COL27A1: variants seen among roughly 807,000 people sequenced by gnomAD.
COL27A1 encodes collagen type XXVII alpha 1 chain, also known as collagen alpha-1(XXVII) chain.
In COL27A1, 106 loss-of-function variants were observed where a neutral mutation model predicts 251.3. The ratio of observed to expected loss-of-function variants is 0.42; its 90% confidence interval spans 0.36 to 0.50. The LOEUF (loss-of-function observed/expected upper bound fraction) is 0.50. Ranked by LOEUF, COL27A1 falls within the 20% of genes least tolerant of loss-of-function variation. The pLI is 0.00. For synonymous variants in COL27A1, 1,000 were observed against 986.3 expected (o/e 1.01, Z -0.26); for missense variants, 2,325 against 2,522.8 (o/e 0.92, Z 1.68).
intron 7 of COL27A1, among the ~76,000 whole-genome samples, chr9:114,201,359 A>G (rs1462021481): frequency 6.6e-6 from 1 of 152,212 alleles, no homozygotes; most frequent in African/African-American, 2.4e-5. Flanking sequence ...AGATTCTTGC[A>G]GGTCTGGGGC....
intron 15 of COL27A1, among the ~76,000 whole-genome samples, chr9:114,231,550 G>A (rs571991118): frequency 2.0e-5 from 3 of 152,308 alleles, no homozygotes; most frequent in Admixed American, 6.5e-5. Flanking sequence ...ACCAACGTGC[G>A]TGTGACACGG....
At position 114,250,657 on chromosome 9, in the gene COL27A1, G is replaced by A. The variant is rs139143802; in HGVS notation, c.3022G>A (p.Val1008Met). 211 of 1,611,742 alleles carry A rather than the reference G, an allele frequency of 1.3e-4. No individual in the cohort carries two copies. Among genetic ancestry groups the A allele is most frequent in the Middle Eastern group, 6.6e-4 (4 of 6,064 alleles). The stretch of plus-strand genomic sequence containing the variant: ...TGGTCTGGTCGGGGAGCCAGGAATC[G>A]TGGGAGAAAAGGTAAGTGGTGTTGA... The part of the protein sequence containing the change: ...FIGLVGEPGI[V>M]GEKGDRGMMG... Residue 1008 changes from valine (V) to methionine (M), a missense_variant, in exon 25 of 61, where the codon GTG becomes ATG. Physicochemically the swap from Val to Met is conservative, Grantham distance 21. This residue lies in a region of COL27A1 where 662 missense variants were observed against 795.3 expected (regional missense o/e 0.83). Transcript: ENST00000356083.
intron 5 of COL27A1, among the ~76,000 whole-genome samples, chr9:114,184,386 G>C (rs1425173826): frequency 1.3e-5 from 2 of 152,250 alleles, no homozygotes; most frequent in Admixed American, 1.3e-4. Flanking sequence ...AGCTTGTCTG[G>C]GAGCTTTGGA....
At chr9:114,187,831 T>A (rs1489234440) in intron 5 of COL27A1, among the ~76,000 whole-genome samples, 1 of 152,246 alleles carries the variant, frequency 6.6e-6, no homozygotes, top group African/African-American at 2.4e-5. Context: ...CCACTTTAAA[T>A]TAATATACAA....
chr9:114,252,531 C>T (rs1281241967), intron 25 of COL27A1, 62 bp from the exon 26 acceptor site: 5 of 1,470,176 alleles, frequency 3.4e-6, no homozygotes, highest in Non-Finnish European at 4.8e-6. Flanking sequence ...CTGCACCTGC[C>T]TCCCACAGAG....
rs973235385 is a variant in COL27A1, at chr9:114,221,748, C to T, written c.2422-475C>T. Among the ~76,000 whole-genome samples the T allele has an allele frequency of 3.9e-5, 6 of 152,280 alleles. No individual in the cohort carries two copies. The East Asian group carries it at 1.2e-3, about 29-fold the overall frequency. ...GGTGTGGGGTGCTGGGGAGGATTCT[C>T]CAAGGGCCACAGCACCTCCCGGCTG... On this transcript the variant is annotated intron_variant, in intron 13 of 60. Transcript: ENST00000356083.
intron 5 of COL27A1, among the ~76,000 whole-genome samples, chr9:114,185,102 C>T (rs1249677374): frequency 6.6e-6 from 1 of 152,180 alleles, no homozygotes; most frequent in Non-Finnish European, 1.5e-5. Flanking sequence ...ACAGATGTGC[C>T]ATGGTAGGAG....
rs1171488911 is a variant in COL27A1 at position 114,258,611 on chromosome 9, T to G, written c.3195+17T>G. On this transcript the variant is annotated intron_variant, in intron 28 of 60. Transcript: ENST00000356083. Reference sequence around the variant, plus strand: ...GGACGTCGGGTAAGTCGAGCCCAGCTCCTGGGGGCTGATGCTGGTGGGAGG... The same window carrying G: ...GGACGTCGGGTAAGTCGAGCCCAGCGCCTGGGGGCTGATGCTGGTGGGAGG... 1.2e-6 allele frequency: 2 copies of G among 1,612,944 alleles called. No individual in the cohort carries two copies. Among genetic ancestry groups the G allele is most frequent in the African/African-American group, 2.7e-5 (2 of 74,916 alleles).
chr9:114,243,664 G>GA lies in COL27A1; in HGVS notation c.2934+111dup, dbSNP rs779903917. On this transcript the variant is annotated intron_variant, in intron 23 of 60. Coordinates refer to ENST00000356083, the MANE Select transcript of COL27A1 (RefSeq NM_032888.4). ...TCCCATGGCCAGTTGTGAAAAGGGA[G>GA]AAAAAAATTGGTTCCTGTTTAGAAC... The GA allele has an allele frequency of 1.3e-5, 12 of 920,882 alleles. No individual in the cohort carries two copies. In the East Asian group the frequency reaches 1.8e-4, roughly 14 times the overall value. The allele number at this position is 920,882 out of a possible 1,614,324, so 57.0% of individuals were successfully genotyped here. A position where few individuals can be genotyped will look rare whatever the true frequency, so the allele number is the denominator to read the frequency against.
intron 7 of COL27A1, among the ~76,000 whole-genome samples, chr9:114,198,184 T>TA (rs1829295215): frequency 6.6e-6 from 1 of 152,250 alleles, no homozygotes; most frequent in Non-Finnish European, 1.5e-5. Context: ...CAGATAATCC[T>TA]ATTTATTCAT....
intron 49 of COL27A1, among the ~76,000 whole-genome samples, chr9:114,296,249 T>C (rs1828248024): frequency 6.6e-6 from 1 of 152,154 alleles, no homozygotes; most frequent in African/African-American, 2.4e-5. Flanking sequence ...AAGGACACTA[T>C]TAAGAGAATG....
intron 12 of COL27A1, among the ~76,000 whole-genome samples, chr9:114,216,735 T>C (rs766272158): frequency 5.9e-5 from 9 of 152,228 alleles, no homozygotes; most frequent in Non-Finnish European, 1.2e-4. Context: ...CCTAGATTCC[T>C]AGAGGTCATC....
At chr9:114,245,824 C>A in intron 23 of COL27A1, 42 bp from the exon 24 acceptor site, 1 of 1,600,816 alleles carries the variant, frequency 6.2e-7, no homozygotes, top group South Asian at 1.1e-5. Context: ...TCTAGACTTT[C>A]ATCTCCCATC....
intron 36 of COL27A1, among the ~76,000 whole-genome samples, chr9:114,274,881 T>C (rs868859441): frequency 6.6e-6 from 1 of 152,144 alleles, no homozygotes; most frequent in South Asian, 2.1e-4. Context: ...CTCAGAAAAA[T>C]GGAAAGAGTG....
intron 19 of COL27A1, 108 bp downstream of exon 19, chr9:114,237,823 A>G: frequency 1.2e-6 from 1 of 845,604 alleles, no homozygotes; most frequent in South Asian, 1.4e-5. Flanking sequence ...GTCACACAGG[A>G]TATGAGAGAT....
At position 114,290,985 on chromosome 9, in the gene COL27A1, C is replaced by A; in HGVS notation, c.4476+68C>A. ...TGCCTTGATGCAGACTCTAGTGGTT[C>A]CGACCCTTTGGGCACCCATGTCCCA... On this transcript the variant is annotated intron_variant, in intron 48 of 60. Transcript: ENST00000356083. The surrounding 1 kb of genome is among the most constrained non-coding windows in gnomAD (Gnocchi z 4.6). 8.1e-7 allele frequency: 1 copy of A among 1,235,466 alleles called. No homozygotes were observed. Among genetic ancestry groups the A allele is most frequent in the Non-Finnish European group, 1.1e-6 (1 of 882,064 alleles). 76.5% of individuals were successfully genotyped at this position (1,235,466 alleles called of 1,614,324 possible). A position where few individuals can be genotyped will look rare whatever the true frequency, so the allele number is the denominator to read the frequency against.
At chr9:114,178,406 C>G in intron 4 of COL27A1, 62 bp downstream of exon 4, 4 of 1,460,002 alleles carry the variant, frequency 2.7e-6, no homozygotes, top group Non-Finnish European at 3.8e-6. Context: ...GTCTCACTGC[C>G]CCTGAGGTCT....
chr9:114,271,980 C>G (rs72762659), intron 36 of COL27A1: 24,088 of 152,144 alleles, frequency 0.16, 2,084 homozygotes, highest in African/African-American at 0.18. Flanking sequence ...ACTCCTCTCC[C>G]CCAACCCTGC....
chr9:114,264,949 C>T lies in COL27A1; in HGVS notation c.3275C>T (p.Pro1092Leu), dbSNP rs555858459. The T allele has an allele frequency of 7.4e-6, 12 of 1,613,320 alleles. No individual in the cohort carries two copies. Among genetic ancestry groups the T allele is most frequent in the Middle Eastern group, 1.7e-4 (1 of 6,060 alleles). ...GGCCCTCCAGGACCCCAGGGCAGAC[C>T]GGGCCGGCCTGGACAGCAGGTATGT... ...LKGPPGPQGR[P>L]GRPGQQGVAG... The change falls in exon 30 of 61, where the codon CCG becomes CTG. Residue 1092 changes from proline (P) to leucine (L), a missense_variant. Physicochemically the swap from Pro to Leu is moderately conservative, Grantham distance 98. Around this residue, in one of 4 missense-constraint regions of COL27A1, gnomAD observed 662 missense variants for 795.3 expected, o/e 0.83. Coordinates refer to ENST00000356083, the MANE Select transcript of COL27A1 (RefSeq NM_032888.4).
Sources: gnomAD v4.1 joint callset for allele counts (sites outside exome capture counted in the v4.1 genomes callset) on GRCh38, gnomAD v4.1.1 for gene constraint, gnomAD v4.1.1 regional missense constraint, Gnocchi (gnomAD v3.1) non-coding constraint, MANE v1.5 for transcripts, NCBI Gene and HGNC (gene_info 2026-07-23, HGNC 2026-07-21) for gene names.